The following DOCK3 variants were observed in gnomAD, a reference collection of about 807,000 sequenced individuals.
DOCK3 encodes dedicator of cytokinesis 3.
A neutral mutation model predicts 265.6 loss-of-function variants in DOCK3; 60 were observed. That is an observed-to-expected ratio of 0.23 (90% CI 0.18 to 0.28). The LOEUF (loss-of-function observed/expected upper bound fraction) is 0.28, where lower values mean the gene tolerates loss of function less well. Ranked by LOEUF, DOCK3 falls within the 10% of genes least tolerant of loss-of-function variation. The pLI, the probability that DOCK3 is intolerant of heterozygous loss-of-function variation, is 1.00. For missense variants in DOCK3, 1,981 were observed against 2,594.3 expected (o/e 0.76, Z 5.14); for synonymous variants, 881 against 938.0 (o/e 0.94, Z 1.11).
chr3:51,316,281 A>G lies in DOCK3; in HGVS notation c.3402+1153A>G, dbSNP rs374660392. Among the ~76,000 whole-genome samples, 4 of 152,340 alleles carry G rather than the reference A, an allele frequency of 2.6e-5. No individual in the cohort carries two copies. The East Asian group carries it at 7.7e-4, about 29-fold the overall frequency. On this transcript the variant is annotated intron_variant, in intron 32 of 52. Coordinates refer to ENST00000266037, the MANE Select transcript of DOCK3 (RefSeq NM_004947.5). Reference sequence around the variant, plus strand: ...TTGAGACTGGCCCCTTTCACTTAGCATAATGCTTTGAGAAATTAATCCATG... The same window carrying G: ...TTGAGACTGGCCCCTTTCACTTAGCGTAATGCTTTGAGAAATTAATCCATG...
At position 51,341,283 on chromosome 3, in the gene DOCK3, G is replaced by A; in HGVS notation, c.3813G>A (p.Glu1271=). The A allele has an allele frequency of 6.2e-7, 1 of 1,608,848 alleles. No individual in the cohort carries two copies. Among genetic ancestry groups the A allele is most frequent in the Non-Finnish European group, 8.5e-7 (1 of 1,177,284 alleles). ...TTTACTGTGAGCTGCTGCAGTGGGA[G>A]GACCGGCCACTACGGGAATTCCTCC... is the stretch of plus-strand genomic sequence containing the variant. ...LLLYCELLQW[E]DRPLREFLHY... is the part of the protein sequence containing the mutation. The change falls in exon 38 of 53, where the codon GAG becomes GAA. Residue 1271 remains glutamate, a synonymous_variant. Coordinates refer to ENST00000266037, the MANE Select transcript of DOCK3 (RefSeq NM_004947.5).
At chr3:51,085,301 T>C (rs1009997906) in intron 7 of DOCK3, among the ~76,000 whole-genome samples, 1 of 152,216 alleles carries the variant, frequency 6.6e-6, no homozygotes, top group Non-Finnish European at 1.5e-5. Flanking sequence ...TCAGGCTTAC[T>C]CTGTTCTATA....
At chr3:51,059,248 A>G (rs535730321) in intron 5 of DOCK3, among the ~76,000 whole-genome samples, 1 of 152,240 alleles carries the variant, frequency 6.6e-6, no homozygotes, top group East Asian at 1.9e-4. Context: ...TAAGGGCACT[A>G]ATCCCATTCA....
At chr3:50,806,824 G>A (rs773757417) in intron 2 of DOCK3, among the ~76,000 whole-genome samples, 4 of 152,082 alleles carry the variant, frequency 2.6e-5, no homozygotes, top group Non-Finnish European at 5.9e-5. Context: ...TGCTGCAATA[G>A]CTTGGCTCAC....
chr3:51,006,592 C>T (rs1455827689), intron 5 of DOCK3, among the ~76,000 whole-genome samples: 1 of 152,110 alleles, frequency 6.6e-6, no homozygotes, highest in Admixed American at 6.6e-5. Flanking sequence ...TCTACTCATT[C>T]CCTTCAAGCT....
At chr3:51,016,964 A>ATG (rs1390427369) in intron 5 of DOCK3, among the ~76,000 whole-genome samples, 1 of 22,052 alleles carries the variant, frequency 4.5e-5, no homozygotes, top group Non-Finnish European at 6.9e-5. Context: ...TATATATTAT[A>ATG]TATATATAAA....
At chr3:50,703,596 G>T (rs1201000506) in intron 1 of DOCK3, among the ~76,000 whole-genome samples, 1 of 151,234 alleles carries the variant, frequency 6.6e-6, no homozygotes, top group Non-Finnish European at 1.5e-5. Flanking sequence ...TTTTCGTTAG[G>T]GTTTCCAATT....
chr3:51,200,426 T>G, intron 12 of DOCK3, among the ~76,000 whole-genome samples: 1 of 81,488 alleles, frequency 1.2e-5, no homozygotes, highest in Non-Finnish European at 2.4e-5. Context: ...GAAGAAAGGG[T>G]ATCAGTGATG....
chr3:50,780,023 G>GCTCTAATCTAGTT (rs1267746656), intron 2 of DOCK3, among the ~76,000 whole-genome samples: 4 of 152,096 alleles, frequency 2.6e-5, no homozygotes, highest in Non-Finnish European at 5.9e-5. Flanking sequence ...ACTGTTAAGA[G>GCTCTAATCTAGTT]GGGTATGGGA....
intron 1 of DOCK3, among the ~76,000 whole-genome samples, chr3:50,696,215 T>A (rs1380368583): frequency 6.6e-6 from 1 of 152,202 alleles, no homozygotes; most frequent in Non-Finnish European, 1.5e-5. Flanking sequence ...GAAAGAGCTG[T>A]TTCCAGTCAG....
chr3:51,049,610 A>C (rs2080912041), intron 5 of DOCK3, among the ~76,000 whole-genome samples: 1 of 152,142 alleles, frequency 6.6e-6, no homozygotes, highest in Non-Finnish European at 1.5e-5. Flanking sequence ...TTGGTGCTCA[A>C]AATTTTAGAA....
chr3:50,867,678 G>T (rs537941246), intron 3 of DOCK3, among the ~76,000 whole-genome samples: 6 of 150,004 alleles, frequency 4.0e-5, no homozygotes, highest in Admixed American at 1.3e-4. Context: ...ATAATCAATT[G>T]AAATGATCAT....
At chr3:50,853,000 T>C (rs1355953755) in intron 3 of DOCK3, among the ~76,000 whole-genome samples, 2 of 152,198 alleles carry the variant, frequency 1.3e-5, no homozygotes, top group African/African-American at 2.4e-5. Flanking sequence ...TTGGGATATA[T>C]CCATCACCTC....
intron 12 of DOCK3, among the ~76,000 whole-genome samples, chr3:51,205,072 C>T (rs1012786314): frequency 2.0e-4 from 31 of 151,806 alleles, no homozygotes; most frequent in African/African-American, 6.8e-4. Flanking sequence ...TGCTGGATGA[C>T]GAGTTAGTGG....
chr3:50,749,153 C>T (rs1038916852), intron 1 of DOCK3, among the ~76,000 whole-genome samples: 2 of 152,128 alleles, frequency 1.3e-5, no homozygotes, highest in African/African-American at 4.8e-5. Context: ...GCATTTGCCT[C>T]CTCTTTATAG....
chr3:51,312,717 C>T (rs2083152355), intron 30 of DOCK3, 127 bp from the exon 31 acceptor site: 1 of 1,265,300 alleles, frequency 7.9e-7, no homozygotes, highest in Non-Finnish European at 1.1e-6. Flanking sequence ...AGTCGAGAGC[C>T]CAAAGGCTTA....
intron 4 of DOCK3, among the ~76,000 whole-genome samples, chr3:50,910,814 A>C (rs982581718): frequency 1.3e-5 from 2 of 152,102 alleles, no homozygotes; most frequent in Admixed American, 1.3e-4. Flanking sequence ...AGTCTTTCTT[A>C]TCTCTTCAAT....
chr3:51,223,486 T>C (rs1345002013), intron 14 of DOCK3, among the ~76,000 whole-genome samples: 1 of 152,018 alleles, frequency 6.6e-6, no homozygotes, highest in Non-Finnish European at 1.5e-5. Context: ...CACCTATTCT[T>C]TAGATTAAGC....
At chr3:50,810,831 C>A (rs1388434022) in intron 2 of DOCK3, among the ~76,000 whole-genome samples, 1 of 152,038 alleles carries the variant, frequency 6.6e-6, no homozygotes, top group Non-Finnish European at 1.5e-5. Context: ...AAAGGATTGA[C>A]TGGAAAGAAG....
Sources: gnomAD v4.1 joint callset for allele counts (sites outside exome capture counted in the v4.1 genomes callset) on GRCh38, gnomAD v4.1.1 for gene constraint, MANE v1.5 for transcripts, NCBI Gene and HGNC (gene_info 2026-07-23, HGNC 2026-07-21) for gene names.